The following BABAM2 variants were observed in gnomAD, a reference collection of about 807,000 sequenced individuals.
BABAM2 encodes BRISC and BRCA1 A complex member 2.
BABAM2 carries 31 observed loss-of-function variants against 54.7 expected under a neutral mutation model. That is an observed-to-expected ratio of 0.57 (90% confidence interval 0.43 to 0.77). The LOEUF (loss-of-function observed/expected upper bound fraction) is 0.77. Among genes scored for constraint, BABAM2 ranks in the 30% least tolerant of loss-of-function variants. The pLI is 0.00. For missense variants in BABAM2, 364 were observed against 455.8 expected, an observed-to-expected ratio of 0.80 and a Z score of 1.83; for synonymous variants, 167 against 162.9, an observed-to-expected ratio of 1.03 and a Z score of -0.19.
At chr2:27,925,154 AG>A (rs1667596678) in intron 2 of BABAM2, among the ~76,000 whole-genome samples, 1 of 152,192 alleles carries the variant, frequency 6.6e-6, no homozygotes, top group South Asian at 2.1e-4. Context: ...GATATTGGAA[AG>A]TAAGTGATCT....
intron 3 of BABAM2, among the ~76,000 whole-genome samples, chr2:27,969,442 A>AC (rs1201449673): frequency 6.6e-6 from 1 of 151,752 alleles, no homozygotes; most frequent in Non-Finnish European, 1.5e-5. Context: ...TTCACTCACA[A>AC]CCCCCCAGCT....
intron 2 of BABAM2, among the ~76,000 whole-genome samples, chr2:27,903,906 A>C (rs971557234): frequency 6.6e-6 from 1 of 152,174 alleles, no homozygotes; most frequent in Non-Finnish European, 1.5e-5. Context: ...TTTTCCTTAA[A>C]GGAAGCACTT....
intron 3 of BABAM2, among the ~76,000 whole-genome samples, chr2:27,960,384 C>G (rs1389224773): frequency 6.6e-6 from 1 of 151,862 alleles, no homozygotes; most frequent in East Asian, 1.9e-4. Context: ...TGGTTTGTGC[C>G]TGTGTGTGCA....
chr2:27,932,356 C>CA (rs948639336), intron 3 of BABAM2, among the ~76,000 whole-genome samples: 5 of 151,706 alleles, frequency 3.3e-5, no homozygotes, highest in Non-Finnish European at 7.4e-5. Flanking sequence ...TTTAGAGATT[C>CA]AAAAAAAATG....
chr2:28,010,033 C>T (rs552193995), intron 4 of BABAM2, among the ~76,000 whole-genome samples: 4 of 152,276 alleles, frequency 2.6e-5, no homozygotes, highest in Admixed American at 6.5e-5. Context: ...TAAAGAAGGA[C>T]TGGGGTACTG....
At chr2:28,292,152 G>T (rs1490372171) in intron 10 of BABAM2, among the ~76,000 whole-genome samples, 2 of 152,188 alleles carry the variant, frequency 1.3e-5, no homozygotes, top group African/African-American at 4.8e-5. Flanking sequence ...AGATATGGGG[G>T]AAAGCGCAGA....
chr2:28,078,275 A>G (rs373160371), intron 6 of BABAM2, among the ~76,000 whole-genome samples: 1 of 151,936 alleles, frequency 6.6e-6, no homozygotes, highest in Admixed American at 6.6e-5. Context: ...GATATAACCA[A>G]TATCAGATCT....
intron 10 of BABAM2, among the ~76,000 whole-genome samples, chr2:28,293,273 TC>T (rs1687431835): frequency 6.6e-6 from 1 of 152,224 alleles, no homozygotes; most frequent in African/African-American, 2.4e-5. Flanking sequence ...TATTCATTTT[TC>T]CATTGTTGAG....
At chr2:28,016,052 T>C (rs958727720) in intron 4 of BABAM2, 1 of 708,326 alleles carries the variant, frequency 1.4e-6, no homozygotes, top group Non-Finnish European at 2.5e-6. Flanking sequence ...GTTTCTGACA[T>C]GGACCTTTCA....
intron 7 of BABAM2, chr2:28,134,498 G>A: frequency 6.6e-6 from 1 of 152,252 alleles, no homozygotes; most frequent in African/African-American, 2.4e-5. Context: ...CACTTTGTGG[G>A]AGTGGTTTAA....
intron 10 of BABAM2, among the ~76,000 whole-genome samples, chr2:28,259,175 C>T (rs1405636235): frequency 7.5e-6 from 1 of 133,446 alleles, no homozygotes; most frequent in Admixed American, 8.0e-5. Context: ...GCAATCTCCA[C>T]CTCCCAGGTT....
chr2:27,915,185 G>A (rs1028554884), intron 2 of BABAM2, among the ~76,000 whole-genome samples: 4 of 152,152 alleles, frequency 2.6e-5, no homozygotes, highest in Non-Finnish European at 4.4e-5. Context: ...CGGTGAAGAG[G>A]TGAGGAGGTC....
chr2:28,096,916 G>A (rs555256739), intron 6 of BABAM2, among the ~76,000 whole-genome samples: 4 of 152,132 alleles, frequency 2.6e-5, no homozygotes, highest in Non-Finnish European at 4.4e-5. Flanking sequence ...GTTGCATTCA[G>A]GAAAGATTAG....
At chr2:28,215,783 A>G (rs764295926) in intron 7 of BABAM2, among the ~76,000 whole-genome samples, 19 of 152,110 alleles carry the variant, frequency 1.2e-4, no homozygotes, top group Middle Eastern at 3.2e-3. Context: ...TTCTGCTCTC[A>G]TGGGAGTTCC....
At chr2:28,189,271 T>C (rs942091549) in intron 7 of BABAM2, among the ~76,000 whole-genome samples, 9 of 152,248 alleles carry the variant, frequency 5.9e-5, no homozygotes, top group African/African-American at 2.2e-4. Flanking sequence ...CAAATAAATA[T>C]AAATTATAGT....
intron 11 of BABAM2, among the ~76,000 whole-genome samples, chr2:28,324,668 TC>T (rs1690296847): frequency 6.7e-6 from 1 of 149,564 alleles, no homozygotes; most frequent in African/African-American, 2.5e-5. Flanking sequence ...GGTAGTGCAC[TC>T]CTGTAGTCCT....
At chr2:28,121,096 G>A (rs578220716) in intron 6 of BABAM2, among the ~76,000 whole-genome samples, 4 of 152,110 alleles carry the variant, frequency 2.6e-5, no homozygotes, top group Admixed American at 1.3e-4. Flanking sequence ...TTTTAACCAA[G>A]AACTCAGTAT....
intron 3 of BABAM2, among the ~76,000 whole-genome samples, chr2:27,986,091 A>G (rs956739406): frequency 2.0e-5 from 3 of 152,184 alleles, no homozygotes; most frequent in African/African-American, 7.2e-5. Context: ...TGAGCAGATC[A>G]TATTGACTGG....
intron 10 of BABAM2, among the ~76,000 whole-genome samples, chr2:28,263,248 C>T (rs905534590): frequency 3.3e-5 from 5 of 151,786 alleles, no homozygotes; most frequent in African/African-American, 1.2e-4. Flanking sequence ...TGAGTATTCA[C>T]TATATGCAAA....
Sources: allele counts gnomAD v4.1 joint callset (sites outside exome capture counted in the v4.1 genomes callset), GRCh38; gene constraint gnomAD v4.1.1; transcripts MANE v1.5; gene names NCBI Gene and HGNC (gene_info 2026-07-23, HGNC 2026-07-21).